The following FAM111B variants were observed in gnomAD, a reference collection of about 807,000 sequenced individuals.
The protein encoded by FAM111B is serine protease FAM111B.
FAM111B carries 1 observed loss-of-function variant against 2.8 expected under a neutral mutation model. The observed-to-expected ratio is 0.36, with a 90% CI of 0.13 to 1.70. The LOEUF (loss-of-function observed/expected upper bound fraction) is 1.70, where lower values mean the gene tolerates loss of function less well. FAM111B is among the 40% of genes most tolerant of loss of function. FAM111B has a pLI of 0.35. For synonymous variants in FAM111B, 297 were observed against 295.6 expected (o/e 1.00, Z -0.05); for missense variants, 882 against 878.9 (o/e 1.00, Z -0.04).
intron 3 of FAM111B, among the ~76,000 whole-genome samples, chr11:59,111,307 CGT>C (rs766153272): frequency 2.0e-5 from 3 of 152,096 alleles, no homozygotes; most frequent in African/African-American, 4.8e-5. Context: ...CATTTCCATA[CGT>C]GTATGGCTCC....
intron 3 of FAM111B, among the ~76,000 whole-genome samples, chr11:59,113,808 G>A (rs1009281106): frequency 1.8e-4 from 27 of 152,186 alleles, no homozygotes; most frequent in Non-Finnish European, 1.8e-4. Flanking sequence ...CATCTTATGG[G>A]AGTCTCACCA....
In FAM111B at chr11:59,127,333, G is replaced by A. The variant is rs1301569727; in HGVS notation, c.*1031G>A. 6.6e-6 allele frequency: 1 copy of A among 152,130 alleles called. No individual in the cohort carries two copies. Among genetic ancestry groups the A allele is most frequent in the Non-Finnish European group, 1.5e-5 (1 of 67,992 alleles). 9.4% of individuals were successfully genotyped at this position (152,130 alleles called of 1,614,324 possible). On this transcript the variant is annotated 3_prime_UTR_variant, in exon 4 of 4. Transcript: ENST00000343597. ...AATAATCTGAACACAAAACCCTGGTGACATGCAGTTTACCTATATAACAAA... is the reference window on the plus strand; with the variant it reads ...AATAATCTGAACACAAAACCCTGGTAACATGCAGTTTACCTATATAACAAA...
chr11:59,111,277 T>C (rs1345563242), intron 3 of FAM111B, among the ~76,000 whole-genome samples: 1 of 152,216 alleles, frequency 6.6e-6, no homozygotes, highest in East Asian at 1.9e-4. Context: ...CATATAGATA[T>C]TCTTAAGCTG....
At chr11:59,122,667 G>C (rs1859942009) in intron 3 of FAM111B, among the ~76,000 whole-genome samples, 1 of 152,248 alleles carries the variant, frequency 6.6e-6, no homozygotes, top group South Asian at 2.1e-4. Flanking sequence ...GGGGCTAAGA[G>C]TGAAATGCCT....
rs139496218 is a variant in FAM111B at position 59,125,635 on chromosome 11, C to T, written c.1538C>T (p.Ala513Val). Residue 513 changes from alanine (A) to valine (V), a missense_variant, in exon 4 of 4, where the codon GCG (alanine) becomes GTG (valine). Transcript: ENST00000343597. ...TGGCCAGATATAATTAGCAAATGTGCGAAGGTAACCTTCACTTATACAGAG... is the reference window on the plus strand; with the variant it reads ...TGGCCAGATATAATTAGCAAATGTGTGAAGGTAACCTTCACTTATACAGAG... ...SLWPDIISKCAKVTFTYTEFC... is the reference protein window; with the variant it reads ...SLWPDIISKCVKVTFTYTEFC... 75 of 1,613,758 alleles carry T rather than the reference C, an allele frequency of 4.6e-5. No homozygotes were observed. Among genetic ancestry groups the T allele is most frequent in the Admixed American group, 1.7e-4 (10 of 59,984 alleles).
chr11:59,117,183 T>A (rs534100099), intron 3 of FAM111B, among the ~76,000 whole-genome samples: 127 of 152,302 alleles, frequency 8.3e-4, no homozygotes, highest in African/African-American at 3.0e-3. Flanking sequence ...TGCTATACCT[T>A]AAGCAGAAAA....
At chr11:59,116,868 T>C (rs1590889820) in intron 3 of FAM111B, among the ~76,000 whole-genome samples, 1 of 152,192 alleles carries the variant, frequency 6.6e-6, no homozygotes, top group Non-Finnish European at 1.5e-5. Context: ...GTCAGGCAGG[T>C]GGAGTCCTGG....
chr11:59,117,704 G>A (rs1859859150), intron 3 of FAM111B, among the ~76,000 whole-genome samples: 2 of 152,144 alleles, frequency 1.3e-5, no homozygotes, highest in South Asian at 2.1e-4. Context: ...AGGCCACTTA[G>A]TACCCTGTCA....
Position 59,124,933 on chromosome 11 carries a change from T to C in FAM111B, c.836T>C (p.Ile279Thr). ...SKKKALQQKD[I>T]HKKIKQNESA... ...AAAAAAGCATTACAACAGAAAGATATCCATAAAAAAATTAAACAGAATGAA... is the reference window on the plus strand; with the variant it reads ...AAAAAAGCATTACAACAGAAAGATACCCATAAAAAAATTAAACAGAATGAA... The change falls in exon 4 of 4, where the codon ATC (isoleucine) becomes ACC (threonine). Residue 279 changes from isoleucine (I) to threonine (T), a missense_variant. Ile to Thr is a moderately conservative substitution (Grantham distance 89). Coordinates refer to ENST00000343597, the MANE Select transcript of FAM111B (RefSeq NM_198947.4). The C allele has an allele frequency of 1.2e-6, 2 of 1,604,230 alleles. No individual in the cohort carries two copies. Among genetic ancestry groups the C allele is most frequent in the Non-Finnish European group, 8.5e-7 (1 of 1,177,466 alleles).
chr11:59,125,993 G>T lies in FAM111B; in HGVS notation c.1896G>T (p.Glu632Asp). 1.2e-6 allele frequency: 2 copies of T among 1,613,914 alleles called. No homozygotes were observed. The highest frequency in any genetic ancestry group is 4.5e-5 in the East Asian group (2 of 44,872). Residue 632 changes from glutamate to aspartate, a missense_variant, in exon 4 of 4, where the codon GAG (glutamate) becomes GAT (aspartate). Coordinates refer to ENST00000343597, the MANE Select transcript of FAM111B (RefSeq NM_198947.4). Reference protein sequence around the residue: ...CMFTQRSFLSEVWNTHTLSYD... With the variant: ...CMFTQRSFLSDVWNTHTLSYD... ...TTACCCAAAGAAGTTTCCTATCAGA[G>T]GTTTGGAACACACACACGCTTAGTT...
At chr11:59,119,470 A>G (rs1027582934) in intron 3 of FAM111B, among the ~76,000 whole-genome samples, 1 of 152,224 alleles carries the variant, frequency 6.6e-6, no homozygotes, top group African/African-American at 2.4e-5. Flanking sequence ...CCATTTCTCC[A>G]GGATTTTCAG....
intron 3 of FAM111B, among the ~76,000 whole-genome samples, chr11:59,120,344 G>A (rs564630545): frequency 1.8e-4 from 28 of 152,252 alleles, no homozygotes; most frequent in African/African-American, 3.1e-4. Context: ...GAATCTTTGC[G>A]TCCCCCACAA....
intron 3 of FAM111B, among the ~76,000 whole-genome samples, chr11:59,121,069 G>GAAAAA (rs368983942): frequency 5.9e-5 from 5 of 84,898 alleles, no homozygotes; most frequent in African/African-American, 1.9e-4. Context: ...ACAATTTTTT[G>GAAAAA]AAAAAAAAAA....
chr11:59,124,561 A>G lies in FAM111B; in HGVS notation c.464A>G (p.His155Arg). The change falls in exon 4 of 4, where the codon CAT becomes CGT. Residue 155 changes from histidine (H) to arginine (R), a missense_variant. Coordinates refer to ENST00000343597, the MANE Select transcript of FAM111B (RefSeq NM_198947.4). ...CTCAAGTGCCTGCCTAGTGATTCTC[A>G]TTTTAAAATTACATTTGGTCAAAGA... Reference protein sequence around the residue: ...MPLKCLPSDSHFKITFGQRKS... With the variant: ...MPLKCLPSDSRFKITFGQRKS... The G allele has an allele frequency of 6.2e-7, 1 of 1,613,620 alleles. No individual in the cohort carries two copies. The highest frequency in any genetic ancestry group is 8.5e-7 in the Non-Finnish European group (1 of 1,179,678).
chr11:59,109,830 T>C, intron 3 of FAM111B, 124 bp downstream of exon 3: 1 of 537,718 alleles, frequency 1.9e-6, no homozygotes, highest in Non-Finnish European at 3.1e-6. Context: ...TAGTTTAAAA[T>C]ATATTTGGGG....
At chr11:59,117,510 A>T (rs1273921244) in intron 3 of FAM111B, among the ~76,000 whole-genome samples, 4 of 152,176 alleles carry the variant, frequency 2.6e-5, no homozygotes, top group Non-Finnish European at 5.9e-5. Context: ...TCCCCATAAG[A>T]GCCTGGCCTT....
intron 3 of FAM111B, among the ~76,000 whole-genome samples, chr11:59,122,146 AAAAT>A (rs1283916892): frequency 9.2e-5 from 14 of 152,392 alleles, no homozygotes; most frequent in African/African-American, 2.6e-4. Context: ...CGTCTCAAAA[AAAAT>A]AAATAAATAA....
chr11:59,111,115 A>T (rs1459345208), intron 3 of FAM111B, among the ~76,000 whole-genome samples: 2 of 152,118 alleles, frequency 1.3e-5, no homozygotes, highest in East Asian at 3.8e-4. Context: ...CTTTCTGCAT[A>T]GTGACAAATA....
chr11:59,124,276 TCAA>T lies in FAM111B; in HGVS notation c.183_185del (p.Asn61del). ...AGCACCTTTAAGCTTAAAAGTGAAGTCAACAAGCATGAAACAGCCCTTGAAATG... is the reference window on the plus strand; with the variant it reads ...AGCACCTTTAAGCTTAAAAGTGAAGTCAAGCATGAAACAGCCCTTGAAATG... On this transcript the variant is annotated inframe_deletion, in exon 4 of 4. Transcript: ENST00000343597. 1 of 1,613,808 alleles carries T rather than the reference TCAA, an allele frequency of 6.2e-7. No individual in the cohort carries two copies. Among genetic ancestry groups the T allele is most frequent in the Non-Finnish European group, 8.5e-7 (1 of 1,179,812 alleles).
Sources: gnomAD v4.1 joint callset for allele counts (sites outside exome capture counted in the v4.1 genomes callset) on GRCh38, gnomAD v4.1.1 for gene constraint, MANE v1.5 for transcripts, NCBI Gene and HGNC (gene_info 2026-07-23, HGNC 2026-07-21) for gene names.